YES1: variants seen among roughly 807,000 people sequenced by gnomAD.
YES1 encodes the protein YES proto-oncogene 1, Src family tyrosine kinase, also known as tyrosine-protein kinase Yes.
A neutral mutation model predicts 70.4 loss-of-function variants in YES1; 39 were observed. That is an observed-to-expected ratio of 0.55 (90% CI 0.43 to 0.72). The LOEUF (loss-of-function observed/expected upper bound fraction) is 0.72. Among genes scored for constraint, YES1 ranks in the 30% least tolerant of loss-of-function variants. The pLI is 0.00. For synonymous variants in YES1, 198 were observed against 218.6 expected, an observed-to-expected ratio of 0.91 and a Z score of 0.83; for missense variants, 495 against 644.8, an observed-to-expected ratio of 0.77 and a Z score of 2.52.
chr18:745,717 G>A lies in YES1; in HGVS notation c.715C>T (p.His239Tyr). The change falls in exon 6 of 12, where the codon CAC becomes TAC. Residue 239 changes from histidine to tyrosine, a missense_variant. Coordinates refer to ENST00000314574, the MANE Select transcript of YES1 (RefSeq NM_005433.4). ...QFDTLQKLVK[H>Y]YTEHADGLCH... ...TGAAATATTCACATACCTGTGTAGT[G>A]TTTCACCAATTTCTGCAGAGTATCA... 1 of 1,608,726 alleles carries A rather than the reference G, an allele frequency of 6.2e-7. No homozygotes were observed.
chr18:782,284 C>A (rs1375699066), intron 1 of YES1, among the ~76,000 whole-genome samples: 2 of 152,168 alleles, frequency 1.3e-5, no homozygotes, highest in African/African-American at 2.4e-5. Context: ...TTAGTATTTT[C>A]ATTTTAGAGC....
intron 1 of YES1, among the ~76,000 whole-genome samples, chr18:780,321 A>G (rs7237758): frequency 0.36 from 55,096 of 152,006 alleles, 10,965 homozygotes; most frequent in African/African-American, 0.52. Context: ...TGAGGACTCC[A>G]CCCTTATTAA....
At chr18:791,549 A>G (rs1906249861) in intron 1 of YES1, among the ~76,000 whole-genome samples, 1 of 152,242 alleles carries the variant, frequency 6.6e-6, no homozygotes, top group Non-Finnish European at 1.5e-5. Context: ...ATTTAGCTCC[A>G]GAACAGTACT....
At position 792,978 on chromosome 18, in the gene YES1, C is replaced by T. The variant is rs569923145; in HGVS notation, c.-9+19136G>A. ...TCTATAAAGTTCAAGTCAACTTTGG[C>T]ATCACAGCTTAATGGCAAACAATAG... On this transcript the variant is annotated intron_variant, in intron 1 of 11. Transcript: ENST00000314574. Among the ~76,000 whole-genome samples the T allele has an allele frequency of 2.6e-5, 4 of 151,452 alleles. No homozygotes were observed. The East Asian group carries it at 7.7e-4, about 29-fold the overall frequency.
intron 1 of YES1, among the ~76,000 whole-genome samples, chr18:781,402 T>C (rs566241341): frequency 7.9e-5 from 12 of 152,298 alleles, no homozygotes; most frequent in African/African-American, 2.9e-4. Flanking sequence ...CCTCTTTCCT[T>C]ACGCTTGGCT....
chr18:791,883 C>T (rs530464794), intron 1 of YES1, among the ~76,000 whole-genome samples: 3 of 151,880 alleles, frequency 2.0e-5, no homozygotes, highest in African/African-American at 4.8e-5. Flanking sequence ...GGTGAAACCC[C>T]GCCTCTACTA....
At chr18:747,550 C>T (rs572349453) in intron 4 of YES1, among the ~76,000 whole-genome samples, 1 of 152,246 alleles carries the variant, frequency 6.6e-6, no homozygotes, top group Non-Finnish European at 1.5e-5. Context: ...TATCAACACA[C>T]CCTCATATAT....
At position 732,373 on chromosome 18, in the gene YES1, G is replaced by C. The variant is rs896609772; in HGVS notation, c.1423+461C>G. ...GAGAATTGCTTGAACCCGGGAGACAGGTTGCAGTGAGCCAGACTGTACCAC... is the reference window on the plus strand; with the variant it reads ...GAGAATTGCTTGAACCCGGGAGACACGTTGCAGTGAGCCAGACTGTACCAC... On this transcript the variant is annotated intron_variant, in intron 11 of 11. Transcript: ENST00000314574. Among the ~76,000 whole-genome samples the C allele has an allele frequency of 4.0e-5, 6 of 148,406 alleles. No individual in the cohort carries two copies. The South Asian group carries it at 1.1e-3, about 27-fold the overall frequency.
At chr18:784,403 G>T (rs8092146) in intron 1 of YES1, among the ~76,000 whole-genome samples, 3,945 of 152,324 alleles carry the variant, frequency 0.026, 178 homozygotes, top group African/African-American at 0.09. Context: ...CACAAAACTA[G>T]TAAGTGACAG....
intron 8 of YES1, among the ~76,000 whole-genome samples, chr18:742,206 G>T (rs779563120): frequency 6.6e-6 from 1 of 152,086 alleles, no homozygotes; most frequent in Non-Finnish European, 1.5e-5. Flanking sequence ...AGTACCATCT[G>T]CACAGGGAAA....
At chr18:795,204 G>GT (rs1906477138) in intron 1 of YES1, among the ~76,000 whole-genome samples, 1 of 152,184 alleles carries the variant, frequency 6.6e-6, no homozygotes, top group African/African-American at 2.4e-5. Context: ...GTTGAATTCA[G>GT]TAACTGTACT....
At chr18:740,507 C>T (rs983099413) in intron 8 of YES1, among the ~76,000 whole-genome samples, 11 of 152,104 alleles carry the variant, frequency 7.2e-5, no homozygotes, top group Admixed American at 4.6e-4. Flanking sequence ...TAAACTGGAT[C>T]GGGGAAGTGT....
At chr18:751,375 T>A (rs1005172116) in intron 3 of YES1, among the ~76,000 whole-genome samples, 2 of 152,134 alleles carry the variant, frequency 1.3e-5, no homozygotes, top group East Asian at 3.8e-4. Context: ...TTACACCATC[T>A]GGTACTTAGA....
intron 1 of YES1, among the ~76,000 whole-genome samples, chr18:809,490 G>T (rs573494822): frequency 1.1e-4 from 17 of 152,152 alleles, no homozygotes; most frequent in Non-Finnish European, 2.2e-4. Flanking sequence ...TAGTAGAGAT[G>T]GGGTTTCACC....
rs1376940133 is a variant in YES1, at chr18:785,763, T to C, written c.-9+26351A>G. ...AGACCAGTCTAAGCCCAGTGAGACCTTGTCTCTACAAAAGGAAAAAAAAAA... is the reference window on the plus strand; with the variant it reads ...AGACCAGTCTAAGCCCAGTGAGACCCTGTCTCTACAAAAGGAAAAAAAAAA... On this transcript the variant is annotated intron_variant, in intron 1 of 11. Coordinates refer to ENST00000314574, the MANE Select transcript of YES1 (RefSeq NM_005433.4). Among the ~76,000 whole-genome samples the C allele has an allele frequency of 2.0e-5, 3 of 150,864 alleles. No homozygotes were observed. The South Asian group carries it at 6.4e-4, about 32-fold the overall frequency.
chr18:778,724 G>A (rs995323127), intron 1 of YES1, among the ~76,000 whole-genome samples: 1 of 152,114 alleles, frequency 6.6e-6, no homozygotes, highest in East Asian at 1.9e-4. Context: ...TCTACAGGCC[G>A]TAGTCTATGA....
chr18:749,231 C>A (rs897390164), intron 3 of YES1, among the ~76,000 whole-genome samples: 1 of 151,756 alleles, frequency 6.6e-6, no homozygotes, highest in Non-Finnish European at 1.5e-5. Flanking sequence ...CGGTGGCTTA[C>A]GCCTGCAATC....
chr18:806,834 G>A (rs938292297), intron 1 of YES1, among the ~76,000 whole-genome samples: 13 of 152,160 alleles, frequency 8.5e-5, no homozygotes, highest in Non-Finnish European at 1.6e-4. Flanking sequence ...TCCTTCCTCT[G>A]GTTATACAAG....
At chr18:791,879 A>G (rs980256912) in intron 1 of YES1, among the ~76,000 whole-genome samples, 1 of 150,612 alleles carries the variant, frequency 6.6e-6, no homozygotes, top group African/African-American at 2.4e-5. Context: ...ACATGGTGAA[A>G]CCCCGCCTCT....
Sources: gnomAD v4.1 joint callset for allele counts (sites outside exome capture counted in the v4.1 genomes callset) on GRCh38, gnomAD v4.1.1 for gene constraint, MANE v1.5 for transcripts, NCBI Gene and HGNC (gene_info 2026-07-23, HGNC 2026-07-21) for gene names.